SLC4A8: variants seen among roughly 807,000 people sequenced by gnomAD.
SLC4A8 encodes solute carrier family 4 member 8.
Under a neutral mutation model 125.0 loss-of-function variants are expected in SLC4A8, and 40 were observed. That is an observed-to-expected ratio of 0.32 (90% CI 0.25 to 0.42). The LOEUF is 0.42. Among genes scored for constraint, SLC4A8 ranks in the 10% least tolerant of loss-of-function variants. The pLI is 1.00. For synonymous variants in SLC4A8, 456 were observed against 476.0 expected (o/e 0.96, Z 0.55); for missense variants, 863 against 1,355.1 (o/e 0.64, Z 5.70).
At chr12:51,392,270 CTGAGAACTTATTAGAAATTT>C (rs1948137004) in intron 1 of SLC4A8, 1 of 152,282 alleles carries the variant, frequency 6.6e-6, no homozygotes, top group Admixed American at 6.5e-5. Context: ...TCAGAATCAC[CTGAGAACTTATTAGAAATTT>C]TGGCCGGGCG....
chr12:51,501,121 G>T (rs1937862251), intron 22 of SLC4A8, among the ~76,000 whole-genome samples: 1 of 152,096 alleles, frequency 6.6e-6, no homozygotes. Flanking sequence ...GAGCCACCGT[G>T]CCCGGCCAGA....
At chr12:51,440,097 A>G (rs1949546890) in intron 1 of SLC4A8, among the ~76,000 whole-genome samples, 1 of 152,146 alleles carries the variant, frequency 6.6e-6, no homozygotes, top group African/African-American at 2.4e-5. Context: ...AGGATGGAAA[A>G]TTTCAAGGAC....
chr12:51,488,598 C>G, intron 17 of SLC4A8, 101 bp from the exon 18 acceptor site: 1 of 787,330 alleles, frequency 1.3e-6, no homozygotes, highest in African/African-American at 1.8e-5. Flanking sequence ...AAGAACCTCA[C>G]TCAAGAATAA....
In SLC4A8 at chr12:51,482,043, A is replaced by G. The variant is rs1565811693; in HGVS notation, c.2173-3744A>G. ...ACAGTGTCACAGAGATTTCCCACTCAGTAAATCACTCTGAAAGAGTTTGCA... is the reference window on the plus strand; with the variant it reads ...ACAGTGTCACAGAGATTTCCCACTCGGTAAATCACTCTGAAAGAGTTTGCA... On this transcript the variant is annotated intron_variant, in intron 16 of 24. Coordinates refer to ENST00000453097, the MANE Select transcript of SLC4A8 (RefSeq NM_001039960.3). 2.0e-5 allele frequency among the ~76,000 whole-genome samples: 3 copies of G among 152,218 alleles called. No individual in the cohort carries two copies. In the South Asian group the frequency reaches 6.2e-4, roughly 31 times the overall value.
intron 1 of SLC4A8, among the ~76,000 whole-genome samples, chr12:51,413,932 C>A (rs779704894): frequency 6.6e-6 from 1 of 151,992 alleles, no homozygotes; most frequent in Admixed American, 6.6e-5. Flanking sequence ...ACAAATTTTA[C>A]GATTATTTTT....
At chr12:51,499,456 T>A (rs1937744310) in intron 22 of SLC4A8, among the ~76,000 whole-genome samples, 1 of 152,144 alleles carries the variant, frequency 6.6e-6, no homozygotes, top group East Asian at 1.9e-4. Flanking sequence ...ATTTTCTTCC[T>A]CCATATTTAT....
At chr12:51,461,513 C>T (rs1025238652) in intron 9 of SLC4A8, 2 of 410,546 alleles carry the variant, frequency 4.9e-6, no homozygotes, top group Admixed American at 7.9e-5. Flanking sequence ...ATCAAGAATG[C>T]AGAGAAATCT....
chr12:51,486,035 T>C, intron 17 of SLC4A8, 135 bp downstream of exon 17: 1 of 538,046 alleles, frequency 1.9e-6, no homozygotes, highest in African/African-American at 1.9e-5. Context: ...TCCTCATACC[T>C]TGTCATGTAG....
intron 14 of SLC4A8, among the ~76,000 whole-genome samples, chr12:51,473,425 A>G (rs1950764975): frequency 6.6e-6 from 1 of 152,138 alleles, no homozygotes; most frequent in South Asian, 2.1e-4. Context: ...TGGATGTACC[A>G]CAGTTTAATT....
chr12:51,498,398 T>C (rs1937666177), intron 22 of SLC4A8, among the ~76,000 whole-genome samples: 1 of 152,036 alleles, frequency 6.6e-6, no homozygotes, highest in South Asian at 2.1e-4. Flanking sequence ...TCATTCTCAC[T>C]AATAATCAAA....
At position 51,508,453 on chromosome 12, in the gene SLC4A8, A is replaced by G. The variant is rs1027039531; in HGVS notation, c.*1015A>G. The G allele has an allele frequency of 1.3e-5, 2 of 152,614 alleles. No homozygotes were observed. The highest frequency in any genetic ancestry group is 2.9e-5 in the Non-Finnish European group (2 of 68,042). The allele number at this position is 152,614 out of a possible 1,614,324, so 9.5% of individuals were successfully genotyped here. A position where few individuals can be genotyped will look rare whatever the true frequency, so the allele number is the denominator to read the frequency against. ...TGCTGTCTCTTGAGGATACATTCCA[A>G]TTCCATCCTGGCGAGATCCAAGTGC... On this transcript the variant is annotated 3_prime_UTR_variant, in exon 25 of 25. Coordinates refer to ENST00000453097, the MANE Select transcript of SLC4A8 (RefSeq NM_001039960.3).
chr12:51,421,385 CCCAG>C (rs1948786630), upstream of SLC4A8, among the ~76,000 whole-genome samples: 2 of 152,308 alleles, frequency 1.3e-5, no homozygotes, highest in South Asian at 4.1e-4. Context: ...TCTGCAGTGC[CCCAG>C]ATAGCAGCAG....
At chr12:51,421,908 A>G (rs1398214375), upstream of SLC4A8, 1 of 152,176 alleles carries the variant, frequency 6.6e-6, no homozygotes, top group Non-Finnish European at 1.5e-5. Flanking sequence ...GTTACTCTTG[A>G]TCACATAACT....
intron 1 of SLC4A8, among the ~76,000 whole-genome samples, chr12:51,415,740 TACAGAC>T (rs1447299371): frequency 6.6e-6 from 1 of 150,640 alleles, no homozygotes; most frequent in Non-Finnish European, 1.5e-5. Flanking sequence ...ATATGGAAAT[TACAGAC>T]ACTGGGGACT....
chr12:51,435,020 GGGACAGAATCT>G (rs1247266289), intron 1 of SLC4A8, among the ~76,000 whole-genome samples: 1 of 152,086 alleles, frequency 6.6e-6, no homozygotes, highest in Non-Finnish European at 1.5e-5. Flanking sequence ...AACTTTTGAG[GGGACAGAATCT>G]GGATTTTGCT....
At chr12:51,480,650 C>T (rs374686589) in intron 16 of SLC4A8, 10 of 984,070 alleles carry the variant, frequency 1.0e-5, no homozygotes, top group Non-Finnish European at 1.1e-5. Flanking sequence ...TCTAAATGCC[C>T]GTGTAACTAA....
intron 1 of SLC4A8, among the ~76,000 whole-genome samples, chr12:51,427,415 G>A (rs1400956072): frequency 6.6e-6 from 1 of 152,162 alleles, no homozygotes; most frequent in Non-Finnish European, 1.5e-5. Context: ...TACTTCTGGA[G>A]TAGGATAGAA....
At chr12:51,451,232 GCCAC>G (rs1310892652) in intron 3 of SLC4A8, among the ~76,000 whole-genome samples, 5 of 152,130 alleles carry the variant, frequency 3.3e-5, no homozygotes, top group Admixed American at 6.5e-5. Flanking sequence ...ACAGGCGCCC[GCCAC>G]CACGCCGGGC....
intron 1 of SLC4A8, among the ~76,000 whole-genome samples, chr12:51,401,077 A>G (rs765299764): frequency 5.9e-5 from 9 of 151,656 alleles, no homozygotes; most frequent in South Asian, 4.2e-4. Flanking sequence ...TTCAGATCCC[A>G]CGGCAGCGTC....
Sources: gnomAD v4.1 joint callset for allele counts (sites outside exome capture counted in the v4.1 genomes callset) on GRCh38, gnomAD v4.1.1 for gene constraint, MANE v1.5 for transcripts, NCBI Gene and HGNC (gene_info 2026-07-23, HGNC 2026-07-21) for gene names.